CCDC141: variants seen among roughly 807,000 people sequenced by gnomAD.
CCDC141 encodes coiled-coil domain containing 141.
In CCDC141, 168 loss-of-function variants were observed where a neutral mutation model predicts 181.0. That is an observed-to-expected ratio of 0.93 (90% CI 0.82 to 1.05). CCDC141 has a LOEUF of 1.05. Ranked by LOEUF, CCDC141 falls within the 50% of genes least tolerant of loss-of-function variation. CCDC141 has a pLI of 0.00. For synonymous variants in CCDC141, 666 were observed against 642.3 expected (o/e 1.04, Z -0.56); for missense variants, 1,902 against 1,788.5 (o/e 1.06, Z -1.14).
Position 178,845,952 on chromosome 2 carries a change from T to C in CCDC141, c.3358-210A>G, listed in dbSNP as rs75519701. ...TGCCTCATTCCTTTGATAGAGTTCA[T>C]TGCCAGTAAAAATTGGTTGTTGAAA... On this transcript the variant is annotated intron_variant, in intron 21 of 23. Transcript: ENST00000443758. Among the ~76,000 whole-genome samples, 879 of 152,302 alleles carry C rather than the reference T, an allele frequency of 5.8e-3. 11 individuals are homozygous for C. The highest frequency in any genetic ancestry group is 0.02 in the African/African-American group (845 of 41,578).
At chr2:178,840,321 G>A (rs541955131) in intron 22 of CCDC141, among the ~76,000 whole-genome samples, 1 of 152,146 alleles carries the variant, frequency 6.6e-6, no homozygotes, top group South Asian at 2.1e-4. Flanking sequence ...GGCCTTCCAG[G>A]GGCAGACAAT....
intron 2 of CCDC141, among the ~76,000 whole-genome samples, chr2:179,045,884 A>G (rs1297994491): frequency 6.8e-6 from 1 of 147,950 alleles, no homozygotes; most frequent in African/African-American, 2.5e-5. Context: ...TCTGCCTTGC[A>G]AGACAACCTA....
At chr2:178,960,672 C>A (rs985278487) in intron 5 of CCDC141, among the ~76,000 whole-genome samples, 1 of 152,132 alleles carries the variant, frequency 6.6e-6, no homozygotes, top group Non-Finnish European at 1.5e-5. Context: ...CAGAAATGTG[C>A]CTGCAGCCTG....
chr2:179,011,560 GATC>G (rs1345807081), intron 2 of CCDC141, among the ~76,000 whole-genome samples: 1 of 152,082 alleles, frequency 6.6e-6, no homozygotes, highest in Non-Finnish European at 1.5e-5. Context: ...ACACTAGACA[GATC>G]ATCAAGACAG....
Position 178,945,765 on chromosome 2 carries a change from A to C in CCDC141, c.781-1114T>G, listed in dbSNP as rs1361360649. Among the ~76,000 whole-genome samples the C allele has an allele frequency of 2.0e-5, 3 of 152,122 alleles. No homozygotes were observed. The East Asian group carries it at 5.8e-4, about 29-fold the overall frequency. On this transcript the variant is annotated intron_variant, in intron 5 of 23. Coordinates refer to ENST00000443758, the MANE Select transcript of CCDC141 (RefSeq NM_173648.4). Reference sequence around the variant, plus strand: ...CTCAGGATTTCTCTGAAATCCTATAACATGGAGAAATGTGTACAACAGGTA... The same window carrying C: ...CTCAGGATTTCTCTGAAATCCTATACCATGGAGAAATGTGTACAACAGGTA...
chr2:178,850,034 GGAA>G lies in CCDC141; in HGVS notation c.3357+12_3357+14del, dbSNP rs763387663. Reference sequence around the variant, plus strand: ...ATTTTGCTTGAAAATACATATTCTAGGAAGAAGAAATTACCTTCAGTTTTTCTT... The same window carrying G: ...ATTTTGCTTGAAAATACATATTCTAGGAAGAAATTACCTTCAGTTTTTCTT... On this transcript the variant is annotated intron_variant, in intron 21 of 23. Coordinates refer to ENST00000443758, the MANE Select transcript of CCDC141 (RefSeq NM_173648.4). The G allele has an allele frequency of 7.3e-7, 1 of 1,374,188 alleles. No individual in the cohort carries two copies. The highest frequency in any genetic ancestry group is 1.0e-6 in the Non-Finnish European group (1 of 976,570). 85.1% of individuals were successfully genotyped at this position (1,374,188 alleles called of 1,614,324 possible).
At chr2:179,043,064 C>A (rs2043364086) in intron 2 of CCDC141, among the ~76,000 whole-genome samples, 1 of 152,090 alleles carries the variant, frequency 6.6e-6, no homozygotes, top group Non-Finnish European at 1.5e-5. Flanking sequence ...AACAGAAATA[C>A]AAACAACCAT....
chr2:178,860,429 A>T (rs922801270), intron 17 of CCDC141, among the ~76,000 whole-genome samples: 1 of 147,290 alleles, frequency 6.8e-6, no homozygotes, highest in Non-Finnish European at 1.5e-5. Flanking sequence ...GCTACTCAGG[A>T]GGCTGAGGCA....
intron 4 of CCDC141, among the ~76,000 whole-genome samples, chr2:178,963,548 G>A (rs1690496619): frequency 6.6e-6 from 1 of 151,954 alleles, no homozygotes; most frequent in Admixed American, 6.6e-5. Context: ...ATAGCTCAGT[G>A]TTCTTTCCAC....
intron 8 of CCDC141, among the ~76,000 whole-genome samples, chr2:178,890,665 A>G (rs1687104114): frequency 6.6e-6 from 1 of 151,958 alleles, no homozygotes; most frequent in African/African-American, 2.4e-5. Flanking sequence ...CAAATTTCCC[A>G]CTTGAATCCC....
intron 2 of CCDC141, among the ~76,000 whole-genome samples, chr2:179,023,944 A>G (rs1303800970): frequency 2.0e-5 from 3 of 152,214 alleles, no homozygotes; most frequent in Non-Finnish European, 4.4e-5. Context: ...TTGTGTAAGT[A>G]CCACATTAAT....
rs190154618 is a variant in CCDC141 at position 178,966,177 on chromosome 2, C to T, written c.527-4694G>A. Among the ~76,000 whole-genome samples, 217 of 152,348 alleles carry T rather than the reference C, an allele frequency of 1.4e-3. 1 individual carries two copies. The highest frequency in any genetic ancestry group is 2.1e-3 in the Non-Finnish European group (141 of 68,028). ...GATAGAGCACCTGGGGAAAGGGGCGCCTATGGGCGAAGCTTCAGCAGACTT... is the reference window on the plus strand; with the variant it reads ...GATAGAGCACCTGGGGAAAGGGGCGTCTATGGGCGAAGCTTCAGCAGACTT... On this transcript the variant is annotated intron_variant, in intron 4 of 23. Coordinates refer to ENST00000443758, the MANE Select transcript of CCDC141 (RefSeq NM_173648.4).
the CCDC141 span, among the ~76,000 whole-genome samples, chr2:178,823,545 GT>G: frequency 6.6e-6 from 1 of 152,084 alleles, no homozygotes; most frequent in Non-Finnish European, 1.5e-5. Context: ...TCTAGATTCA[GT>G]ACTTTTATGG....
intron 2 of CCDC141, among the ~76,000 whole-genome samples, chr2:179,036,854 C>T (rs1413412951): frequency 6.6e-6 from 1 of 152,144 alleles, no homozygotes; most frequent in Non-Finnish European, 1.5e-5. Flanking sequence ...TTGGAAGGTG[C>T]CAATTGATCT....
At chr2:179,003,245 GC>G (rs1204339793) in intron 2 of CCDC141, among the ~76,000 whole-genome samples, 2 of 152,160 alleles carry the variant, frequency 1.3e-5, no homozygotes, top group Non-Finnish European at 2.9e-5. Context: ...TGCACATTGA[GC>G]TGTTTCTCCA....
intron 17 of CCDC141, among the ~76,000 whole-genome samples, chr2:178,859,556 G>C (rs1187455737): frequency 6.6e-6 from 1 of 152,044 alleles, no homozygotes; most frequent in Non-Finnish European, 1.5e-5. Flanking sequence ...TAGAAATCTT[G>C]AAATGGTGTT....
chr2:179,002,619 C>G (rs1389695460), intron 2 of CCDC141: 1 of 249,198 alleles, frequency 4.0e-6, no homozygotes, highest in Non-Finnish European at 7.8e-6. Flanking sequence ...ATAAATGCTG[C>G]TATGTTGCTC....
intron 2 of CCDC141, among the ~76,000 whole-genome samples, chr2:178,982,642 GC>G (rs60882062): frequency 0.47 from 71,099 of 151,874 alleles, 17,318 homozygotes; most frequent in East Asian, 0.71. Context: ...GCGAGGCACT[GC>G]CTCCCTCGGG....
downstream of CCDC141, among the ~76,000 whole-genome samples, chr2:178,826,632 T>C (rs561502379): frequency 4.5e-4 from 68 of 152,228 alleles, no homozygotes; most frequent in African/African-American, 1.6e-3. Flanking sequence ...AGGTTTTCTA[T>C]TTCTGCTTGT....
Sources: gnomAD v4.1 joint callset for allele counts (sites outside exome capture counted in the v4.1 genomes callset) on GRCh38, gnomAD v4.1.1 for gene constraint, MANE v1.5 for transcripts, NCBI Gene and HGNC (gene_info 2026-07-23, HGNC 2026-07-21) for gene names.